Variants in RBFOX1 observed in about 807,000 individuals in gnomAD.
The protein encoded by RBFOX1 is RNA binding fox-1 homolog 1.
RBFOX1 carries 8 observed loss-of-function variants against 57.7 expected under a neutral mutation model. The ratio of observed to expected loss-of-function variants is 0.14; its 90% CI spans 0.08 to 0.25. The LOEUF (loss-of-function observed/expected upper bound fraction) is 0.25. Among genes scored for constraint, RBFOX1 ranks in the 10% least tolerant of loss-of-function variants. RBFOX1 has a pLI of 1.00. For synonymous variants in RBFOX1, 326 were observed against 222.4 expected, an observed-to-expected ratio of 1.47 and a Z score of -4.15; for missense variants, 611 against 548.5, an observed-to-expected ratio of 1.11 and a Z score of -1.14.
intron 3 of RBFOX1, among the ~76,000 whole-genome samples, chr16:5,698,188 T>C (rs1258967776): frequency 6.6e-6 from 1 of 152,222 alleles, no homozygotes; most frequent in Admixed American, 6.5e-5. Flanking sequence ...GAATGGTTTA[T>C]AATTTTCTCT....
chr16:6,071,382 A>G (rs1263980503), intron 1 of RBFOX1, among the ~76,000 whole-genome samples: 1 of 152,206 alleles, frequency 6.6e-6, no homozygotes, highest in African/African-American at 2.4e-5. Flanking sequence ...AAGGGCAGAA[A>G]AGAATTTTTA....
chr16:5,257,759 C>T (rs538611124), intron 1 of RBFOX1, among the ~76,000 whole-genome samples: 1 of 152,262 alleles, frequency 6.6e-6, no homozygotes, highest in South Asian at 2.1e-4. Flanking sequence ...CCCTCCCTGC[C>T]CATTCCTTGT....
intron 3 of RBFOX1, among the ~76,000 whole-genome samples, chr16:5,740,011 G>A (rs2052718836): frequency 6.6e-6 from 1 of 152,214 alleles, no homozygotes; most frequent in Non-Finnish European, 1.5e-5. Flanking sequence ...CAGTGGGAGG[G>A]GTCCATGCTG....
At chr16:7,359,822 A>G (rs1461169086) in intron 4 of RBFOX1, among the ~76,000 whole-genome samples, 1 of 152,128 alleles carries the variant, frequency 6.6e-6, no homozygotes, top group Non-Finnish European at 1.5e-5. Context: ...GTCTCTACTG[A>G]AAATATGAAA....
chr16:6,457,728 G>C (rs2094812165), intron 2 of RBFOX1, among the ~76,000 whole-genome samples: 1 of 152,168 alleles, frequency 6.6e-6, no homozygotes, highest in Admixed American at 6.5e-5. Flanking sequence ...TGATAATGTG[G>C]ACCCCGGTGA....
chr16:6,579,603 T>G (rs1242803548), intron 2 of RBFOX1, among the ~76,000 whole-genome samples: 1 of 152,170 alleles, frequency 6.6e-6, no homozygotes, highest in Non-Finnish European at 1.5e-5. Flanking sequence ...AAAGCCTGTT[T>G]GCTTCCCCTT....
At chr16:5,715,543 C>G (rs1301846945) in intron 3 of RBFOX1, among the ~76,000 whole-genome samples, 1 of 152,260 alleles carries the variant, frequency 6.6e-6, no homozygotes, top group Non-Finnish European at 1.5e-5. Flanking sequence ...TGACTGATCT[C>G]TCTCTTTTTG....
rs28452640 is a variant in RBFOX1 at position 7,451,685 on chromosome 16, C to A, written c.28-66462C>A. ...ATGAGTTGTTGGCTGCCCCTCCCCC[C>A]GCCCCGTATTCTCTTTGTGAAGTAG... is the stretch of plus-strand genomic sequence containing the variant. On this transcript the variant is annotated intron_variant, in intron 4 of 15. Coordinates refer to ENST00000550418, the MANE Select transcript of RBFOX1 (RefSeq NM_018723.4). 8.7e-5 allele frequency among the ~76,000 whole-genome samples: 11 copies of A among 125,978 alleles called. 1 individual carries two copies. Among genetic ancestry groups the A allele is most frequent in the African/African-American group, 1.8e-4 (6 of 32,960 alleles). The allele number at this position is 125,978 out of a possible 152,430, so 82.6% of individuals were successfully genotyped here.
intron 2 of RBFOX1, among the ~76,000 whole-genome samples, chr16:5,584,111 G>T (rs2046758112): frequency 6.6e-6 from 1 of 152,186 alleles, no homozygotes; most frequent in South Asian, 2.1e-4. Context: ...TCTCTCAGGA[G>T]CCCTGAGGAA....
intron 4 of RBFOX1, among the ~76,000 whole-genome samples, chr16:5,976,031 C>A (rs1350973552): frequency 6.6e-6 from 1 of 151,946 alleles, no homozygotes; most frequent in Non-Finnish European, 1.5e-5. Flanking sequence ...GTAGTCCTAG[C>A]CACTCAGGAG....
chr16:5,760,724 A>G (rs753614332), intron 3 of RBFOX1, among the ~76,000 whole-genome samples: 12 of 152,168 alleles, frequency 7.9e-5, no homozygotes, highest in Non-Finnish European at 1.3e-4. Flanking sequence ...GGGTTTTGCC[A>G]TTATATTGAA....
intron 11 of RBFOX1, among the ~76,000 whole-genome samples, chr16:7,648,729 G>A (rs1355052609): frequency 6.6e-6 from 1 of 152,150 alleles, no homozygotes; most frequent in African/African-American, 2.4e-5. Context: ...TTTAATAGGT[G>A]TTACCTGTCT....
chr16:5,400,081 T>C (rs556357269), intron 1 of RBFOX1, among the ~76,000 whole-genome samples: 2 of 152,124 alleles, frequency 1.3e-5, no homozygotes, highest in African/African-American at 4.8e-5. Context: ...TTCTTTCCTT[T>C]TCTTTTTTCT....
At chr16:5,715,620 A>G (rs1643588539) in intron 3 of RBFOX1, among the ~76,000 whole-genome samples, 1 of 152,206 alleles carries the variant, frequency 6.6e-6, no homozygotes, top group Admixed American at 6.5e-5. Context: ...TTCTGCAAAA[A>G]TAATCTCCGT....
At chr16:6,980,758 A>G (rs917185560) in intron 3 of RBFOX1, among the ~76,000 whole-genome samples, 1 of 152,138 alleles carries the variant, frequency 6.6e-6, no homozygotes, top group Non-Finnish European at 1.5e-5. Flanking sequence ...ATGTTCAGGA[A>G]TGGAGCAGGT....
intron 1 of RBFOX1, among the ~76,000 whole-genome samples, chr16:5,409,659 G>A (rs745932927): frequency 6.6e-6 from 1 of 152,178 alleles, no homozygotes; most frequent in Admixed American, 6.5e-5. Flanking sequence ...TCCAGGAAGC[G>A]TATATTCATT....
chr16:7,686,183 G>C (rs898733178), intron 14 of RBFOX1, among the ~76,000 whole-genome samples: 15 of 148,960 alleles, frequency 1.0e-4, no homozygotes, highest in Non-Finnish European at 2.1e-4. Context: ...TTCTGTTCTC[G>C]AGTGAAAAAA....
intron 3 of RBFOX1, among the ~76,000 whole-genome samples, chr16:6,876,724 G>C (rs1159936654): frequency 1.3e-5 from 2 of 152,056 alleles, no homozygotes; most frequent in Non-Finnish European, 2.9e-5. Flanking sequence ...GATCAAGAGA[G>C]AACCCATAGT....
At chr16:6,843,246 AAAGTTGGACAGCAGTATC>A (rs1338148155) in intron 3 of RBFOX1, among the ~76,000 whole-genome samples, 2 of 152,292 alleles carry the variant, frequency 1.3e-5, no homozygotes, top group African/African-American at 4.8e-5. Context: ...AACCTTTTGC[AAAGTTGGACAGCAGTATC>A]AAGTTAGCCA....
Sources: allele counts gnomAD v4.1 joint callset (sites outside exome capture counted in the v4.1 genomes callset), GRCh38; gene constraint gnomAD v4.1.1; transcripts MANE v1.5; gene names NCBI Gene and HGNC (gene_info 2026-07-23, HGNC 2026-07-21).